ACOT8: variants seen among roughly 807,000 people sequenced by gnomAD.
ACOT8 encodes acyl-CoA thioesterase 8, also known as acyl-coenzyme A thioesterase 8.
Under a neutral mutation model 38.4 loss-of-function variants are expected in ACOT8, and 31 were observed. The ratio of observed to expected loss-of-function variants is 0.81; its 90% confidence interval spans 0.61 to 1.09. The LOEUF is 1.09. Ranked by LOEUF, ACOT8 falls within the 50% of genes least tolerant of loss-of-function variation. The pLI is 0.00. For synonymous variants in ACOT8, 158 were observed against 170.3 expected, an observed-to-expected ratio of 0.93 and a Z score of 0.56; for missense variants, 373 against 421.8, an observed-to-expected ratio of 0.88 and a Z score of 1.01.
intron 1 of ACOT8, among the ~76,000 whole-genome samples, chr20:45,855,591 A>T (rs1035156152): frequency 1.3e-5 from 2 of 152,006 alleles, no homozygotes; most frequent in Non-Finnish European, 2.9e-5. Flanking sequence ...CATCTCTACT[A>T]AAAATACAAA....
chr20:45,849,413 T>TGG lies in ACOT8; in HGVS notation c.263-740_263-739dup, dbSNP rs996644587. Among the ~76,000 whole-genome samples, 483 of 150,730 alleles carry TGG rather than the reference T, an allele frequency of 3.2e-3. 4 individuals are homozygous for TGG. The highest frequency in any genetic ancestry group is 0.011 in the African/African-American group (465 of 41,004). On this transcript the variant is annotated intron_variant, in intron 2 of 5. Coordinates refer to ENST00000217455, the MANE Select transcript of ACOT8 (RefSeq NM_005469.4). ...GATTCCTGTGACTCAGCCTCCTGAG[T>TGG]GGGGGGGGACTACAGGGGTGCATGA...
chr20:45,846,899 CAT>C (rs771653440), intron 3 of ACOT8, among the ~76,000 whole-genome samples: 1 of 152,152 alleles, frequency 6.6e-6, no homozygotes, highest in Non-Finnish European at 1.5e-5. Context: ...TATTTTTGTA[CAT>C]ATGTTTTATA....
rs1196350563 is a variant in ACOT8 at position 45,848,470 on chromosome 20, G to A, written c.468C>T (p.Thr156=). Residue 156 remains threonine, a synonymous_variant, in exon 3 of 6, where the codon ACC becomes ACT. Coordinates refer to ENST00000217455, the MANE Select transcript of ACOT8 (RefSeq NM_005469.4). ...CTCACCTTAAATACTGGTCAATGAGGGTCTCACAGTCAAGCAGCTCTTCTG... is the reference window on the plus strand; with the variant it reads ...CTCACCTTAAATACTGGTCAATGAGAGTCTCACAGTCAAGCAGCTCTTCTG... The part of the protein sequence containing the change: ...PPPEELLDCE[T]LIDQYLRDPN... The A allele has an allele frequency of 1.2e-6, 2 of 1,608,484 alleles. No homozygotes were observed. The highest frequency in any genetic ancestry group is 1.7e-6 in the Non-Finnish European group (2 of 1,176,486).
chr20:45,843,455 C>A (rs1984410600), intron 5 of ACOT8, 72 bp downstream of exon 5: 7 of 1,546,942 alleles, frequency 4.5e-6, no homozygotes, highest in Non-Finnish European at 6.1e-6. Flanking sequence ...GTCGGGAAAT[C>A]AGCATCACCC....
chr20:45,844,182 C>G (rs1403891124), intron 4 of ACOT8, 81 bp downstream of exon 4: 5 of 1,581,378 alleles, frequency 3.2e-6, no homozygotes, highest in Non-Finnish European at 4.3e-6. Flanking sequence ...GAGAAGGGAA[C>G]TCATGTGCCC....
intron 5 of ACOT8, chr20:45,842,989 A>C: frequency 9.6e-7 from 1 of 1,044,868 alleles, no homozygotes; most frequent in East Asian, 8.2e-5. Flanking sequence ...AGGAAGGTCC[A>C]AGCAGGCCCT....
rs1344725329 is a variant in ACOT8 at position 45,857,324 on chromosome 20, A to T, written c.-9T>A. On this transcript the variant is annotated 5_prime_UTR_variant, in exon 1 of 6. In the 5' UTR this introduces an upstream ATG that the reference lacks. Coordinates refer to ENST00000217455, the MANE Select transcript of ACOT8 (RefSeq NM_005469.4). ...GCCTGCGGGGACGACATCTAGTTCA[A>T]TGCTGCAGGCCCTGCACACCCGCTC... The T allele has an allele frequency of 1.3e-6, 2 of 1,591,438 alleles. No individual in the cohort carries two copies. Among genetic ancestry groups the T allele is most frequent in the Non-Finnish European group, 1.7e-6 (2 of 1,171,578 alleles).
At position 45,844,416 on chromosome 20, in the gene ACOT8, G is replaced by A. The variant is rs772137502; in HGVS notation, c.493C>T (p.Pro165Ser). 1.2e-6 allele frequency: 2 copies of A among 1,613,892 alleles called. No homozygotes were observed. The highest frequency in any genetic ancestry group is 1.7e-4 in the Middle Eastern group (1 of 6,058). ...ETLIDQYLRD[P>S]NLQKRYPLAL... is the part of the protein sequence containing the mutation. ...AATGGGTACCTCTTTTGGAGGTTAG[G>A]GTCCCTGAAAGTAAAGGGAAGAGGG... Residue 165 changes from proline (P) to serine (S), a missense_variant, in exon 4 of 6, where the codon CCT becomes TCT. By Grantham distance (74) the Pro-to-Ser change is moderately conservative. Coordinates refer to ENST00000217455, the MANE Select transcript of ACOT8 (RefSeq NM_005469.4).
chr20:45,848,582 T>C lies in ACOT8; in HGVS notation c.356A>G (p.Lys119Arg). 1.2e-6 allele frequency: 2 copies of C among 1,614,072 alleles called. No individual in the cohort carries two copies. The highest frequency in any genetic ancestry group is 2.2e-5 in the South Asian group (2 of 91,070). The change falls in exon 3 of 6, where the codon AAG becomes AGG. Residue 119 changes from lysine to arginine, a missense_variant. Physicochemically the swap from Lys to Arg is conservative, Grantham distance 26. Coordinates refer to ENST00000217455, the MANE Select transcript of ACOT8 (RefSeq NM_005469.4). ...VRSVKAVQHG[K>R]PIFICQASFQ... The stretch of plus-strand genomic sequence containing the variant: ...GGAGGCCTGGCAGATGAAGATGGGC[T>C]TCCCATGTTGCACGGCCTTCACAGA...
At chr20:45,856,097 C>A (rs1042815356) in intron 1 of ACOT8, among the ~76,000 whole-genome samples, 4 of 152,058 alleles carry the variant, frequency 2.6e-5, no homozygotes, top group Non-Finnish European at 5.9e-5. Context: ...GGCCTCATGT[C>A]TACTAAAAAT....
At chr20:45,849,413 T>TG (rs996644587) in intron 2 of ACOT8, among the ~76,000 whole-genome samples, 55 of 150,736 alleles carry the variant, frequency 3.6e-4, no homozygotes, top group South Asian at 1.9e-3. Flanking sequence ...GCCTCCTGAG[T>TG]GGGGGGGGAC....
At position 45,849,492 on chromosome 20, in the gene ACOT8, C is replaced by T. The variant is rs147123627; in HGVS notation, c.263-817G>A. On this transcript the variant is annotated intron_variant, in intron 2 of 5. Coordinates refer to ENST00000217455, the MANE Select transcript of ACOT8 (RefSeq NM_005469.4). ...TTGAGAGACAGTTTCGCTGGGTCAC[C>T]GAGGCTGAAGTGCAGTGGCGCTATC... 3.4e-3 allele frequency among the ~76,000 whole-genome samples: 518 copies of T among 150,828 alleles called. 5 individuals are homozygous for T. The highest frequency in any genetic ancestry group is 0.012 in the African/African-American group (499 of 41,068).
intron 2 of ACOT8, chr20:45,853,955 A>G: frequency 1.5e-6 from 2 of 1,304,448 alleles, no homozygotes; most frequent in Non-Finnish European, 2.0e-6. Flanking sequence ...TCAGCTGGGG[A>G]TCTACGCAGA....
chr20:45,851,673 C>T (rs1985072793), intron 2 of ACOT8, among the ~76,000 whole-genome samples: 1 of 152,202 alleles, frequency 6.6e-6, no homozygotes, highest in Non-Finnish European at 1.5e-5. Context: ...GATGAGGAAA[C>T]TGTTGCCTTA....
chr20:45,843,121 G>A, intron 5 of ACOT8: 1 of 1,036,100 alleles, frequency 9.7e-7, no homozygotes, highest in Non-Finnish European at 1.2e-6. Context: ...GGTGGAATCA[G>A]AATCTATTTT....
At chr20:45,843,871 GA>G (rs1372501931) in intron 4 of ACOT8, 150 bp from the exon 5 acceptor site, 6 of 1,420,022 alleles carry the variant, frequency 4.2e-6, no homozygotes, top group Non-Finnish European at 5.6e-6. Context: ...TGTGATAGGG[GA>G]GAAGTGAGAT....
rs752104369 is a variant in ACOT8, at chr20:45,848,520, A to T, written c.418T>A (p.Phe140Ile). ...QAQPSPMQHQ[F>I]SMPTVPPPEE... ...GGTGGTGGCACAGTGGGCATGGAGA[A>T]CTGGTGCTGCATGGGGCTGGGCTGG... The change falls in exon 3 of 6, where the codon TTC becomes ATC. Residue 140 changes from phenylalanine (F) to isoleucine (I), a missense_variant. Coordinates refer to ENST00000217455, the MANE Select transcript of ACOT8 (RefSeq NM_005469.4). 10 of 1,613,798 alleles carry T rather than the reference A, an allele frequency of 6.2e-6. No individual in the cohort carries two copies. Among genetic ancestry groups the T allele is most frequent in the Non-Finnish European group, 8.5e-6 (10 of 1,179,928 alleles).
At chr20:45,852,910 A>G (rs138545838) in intron 2 of ACOT8, among the ~76,000 whole-genome samples, 2,704 of 152,264 alleles carry the variant, frequency 0.018, 94 homozygotes, top group African/African-American at 0.06. Context: ...CTGGGACTAC[A>G]GGCACATGCC....
At position 45,853,771 on chromosome 20, in the gene ACOT8, CGAG is replaced by C. The variant is rs1985209015; in HGVS notation, c.262+1385_262+1387del. ...ATACTTTATAGCAGTGACTGGGGGC[CGAG>C]AAGAGGGGGGCCAATCAATACTCCT... On this transcript the variant is annotated intron_variant, in intron 2 of 5. Transcript: ENST00000217455. 5.7e-5 allele frequency: 25 copies of C among 436,420 alleles called. 1 individual carries two copies. The highest frequency in any genetic ancestry group is 5.1e-4 in the South Asian group (24 of 47,100). 27.0% of individuals were successfully genotyped at this position (436,420 alleles called of 1,614,324 possible). A position where few individuals can be genotyped will look rare whatever the true frequency, so the allele number is the denominator to read the frequency against.
Sources: allele counts gnomAD v4.1 joint callset (sites outside exome capture counted in the v4.1 genomes callset), GRCh38; gene constraint gnomAD v4.1.1; transcripts MANE v1.5; gene names NCBI Gene and HGNC (gene_info 2026-07-23, HGNC 2026-07-21).